Variants in ZNF385B observed in about 807,000 individuals in gnomAD.
ZNF385B encodes zinc finger protein 385B.
A neutral mutation model predicts 39.2 loss-of-function variants in ZNF385B; 23 were observed. The observed-to-expected ratio is 0.59, with a 90% CI of 0.42 to 0.83. ZNF385B has a LOEUF of 0.83. ZNF385B is among the 40% of genes least tolerant of loss of function. The pLI is 0.00. For missense variants in ZNF385B, 552 were observed against 598.9 expected (o/e 0.92, Z 0.82); for synonymous variants, 205 against 222.6 (o/e 0.92, Z 0.70).
intron 3 of ZNF385B, among the ~76,000 whole-genome samples, chr2:179,729,990 A>T (rs966287807): frequency 1.3e-5 from 2 of 152,178 alleles, no homozygotes; most frequent in Non-Finnish European, 2.9e-5. Context: ...TAAATTACCC[A>T]GTCTCAAGTG....
intron 3 of ZNF385B, among the ~76,000 whole-genome samples, chr2:179,640,833 C>G (rs1319411610): frequency 1.3e-5 from 2 of 152,136 alleles, no homozygotes; most frequent in Non-Finnish European, 2.9e-5. Flanking sequence ...TTAGCCTGAA[C>G]AATTTTCAGT....
intron 3 of ZNF385B, among the ~76,000 whole-genome samples, chr2:179,659,303 A>C (rs947529925): frequency 1.3e-5 from 2 of 152,186 alleles, no homozygotes; most frequent in South Asian, 4.1e-4. Context: ...TTTCCAAATA[A>C]ATAATCCAAG....
At chr2:179,810,092 A>G (rs1706640653) in intron 1 of ZNF385B, among the ~76,000 whole-genome samples, 1 of 151,974 alleles carries the variant, frequency 6.6e-6, no homozygotes, top group Non-Finnish European at 1.5e-5. Context: ...AATAAATGTT[A>G]CTGAAATACT....
intron 3 of ZNF385B, among the ~76,000 whole-genome samples, chr2:179,702,081 T>C (rs1343670957): frequency 1.3e-5 from 2 of 152,168 alleles, no homozygotes; most frequent in African/African-American, 4.8e-5. Context: ...GTGACATTCC[T>C]TGAATTAAGA....
At chr2:179,448,908 G>T (rs1251480944) in intron 6 of ZNF385B, among the ~76,000 whole-genome samples, 2 of 152,080 alleles carry the variant, frequency 1.3e-5, no homozygotes, top group Admixed American at 1.3e-4. Flanking sequence ...TGGCGTAAGT[G>T]AAAATATCTA....
At chr2:179,511,535 T>C (rs2057685439) in intron 5 of ZNF385B, among the ~76,000 whole-genome samples, 1 of 152,104 alleles carries the variant, frequency 6.6e-6, no homozygotes, top group South Asian at 2.1e-4. Flanking sequence ...AGTGAGGTGG[T>C]ATTATGGATG....
At chr2:179,525,957 A>C (rs2105837746) in intron 4 of ZNF385B, among the ~76,000 whole-genome samples, 1 of 152,326 alleles carries the variant, frequency 6.6e-6, no homozygotes, top group Non-Finnish European at 1.5e-5. Context: ...ATACAGCAAC[A>C]ACAAAGATAA....
At chr2:179,479,677 T>A (rs2053790683) in intron 6 of ZNF385B, among the ~76,000 whole-genome samples, 1 of 151,886 alleles carries the variant, frequency 6.6e-6, no homozygotes, top group South Asian at 2.1e-4. Context: ...CCAACTCTAC[T>A]AAAAATACAA....
At chr2:179,825,426 A>G (rs1707626139) in intron 1 of ZNF385B, among the ~76,000 whole-genome samples, 1 of 152,208 alleles carries the variant, frequency 6.6e-6, no homozygotes, top group African/African-American at 2.4e-5. Context: ...GGTTTTGAGC[A>G]GTGGTCAAAG....
chr2:179,859,887 G>A (rs1390323939), intron 1 of ZNF385B, among the ~76,000 whole-genome samples: 1 of 152,196 alleles, frequency 6.6e-6, no homozygotes, highest in African/African-American at 2.4e-5. Context: ...GAAAACCAGT[G>A]AAATTTGGCC....
intron 3 of ZNF385B, among the ~76,000 whole-genome samples, chr2:179,727,648 T>C (rs1701106464): frequency 6.6e-6 from 1 of 152,002 alleles, no homozygotes; most frequent in Non-Finnish European, 1.5e-5. Flanking sequence ...AACATAAGAA[T>C]AAACTGGGAA....
intron 1 of ZNF385B, among the ~76,000 whole-genome samples, chr2:179,835,851 G>C (rs753176374): frequency 2.0e-5 from 3 of 152,020 alleles, no homozygotes; most frequent in Non-Finnish European, 2.9e-5. Context: ...ACATGTCTCA[G>C]AGCACCTTGT....
At chr2:179,621,688 A>C (rs573096553) in intron 3 of ZNF385B, among the ~76,000 whole-genome samples, 1 of 152,292 alleles carries the variant, frequency 6.6e-6, no homozygotes, top group African/African-American at 2.4e-5. Flanking sequence ...GAGGGCACAT[A>C]AGAAACAAGA....
Position 179,526,036 on chromosome 2 carries a change from AT to A in ZNF385B, c.442-7399del, listed in dbSNP as rs3054031. On this transcript the variant is annotated intron_variant, in intron 4 of 9. Coordinates refer to ENST00000410066, the MANE Select transcript of ZNF385B (RefSeq NM_152520.6). ...GTTGGCAACACTAGTTTAACCACAG[AT>A]TTTTTTTTTTTTTTTTTTTTACACA... 5.1e-3 allele frequency among the ~76,000 whole-genome samples: 653 copies of A among 129,146 alleles called. 10 individuals are homozygous for A. The highest frequency in any genetic ancestry group is 0.017 in the African/African-American group (578 of 34,728). 84.7% of individuals were successfully genotyped at this position (129,146 alleles called of 152,430 possible).
At chr2:179,852,431 A>G (rs1313683858) in intron 1 of ZNF385B, among the ~76,000 whole-genome samples, 2 of 152,152 alleles carry the variant, frequency 1.3e-5, no homozygotes, top group Non-Finnish European at 2.9e-5. Context: ...TCATAATTAT[A>G]ATCTTGGGAG....
chr2:179,755,019 A>C (rs541923694), intron 3 of ZNF385B, among the ~76,000 whole-genome samples: 13 of 152,076 alleles, frequency 8.5e-5, no homozygotes, highest in South Asian at 2.1e-4. Flanking sequence ...TTCGATTGTG[A>C]TGTTAGGGTG....
chr2:179,819,765 A>G (rs1222812267), intron 1 of ZNF385B, among the ~76,000 whole-genome samples: 1 of 152,164 alleles, frequency 6.6e-6, no homozygotes, highest in Non-Finnish European at 1.5e-5. Flanking sequence ...AGGATGGGGA[A>G]AAGGTACATT....
intron 3 of ZNF385B, among the ~76,000 whole-genome samples, chr2:179,657,130 G>A (rs1188535328): frequency 6.6e-6 from 1 of 152,174 alleles, no homozygotes; most frequent in Non-Finnish European, 1.5e-5. Context: ...AGCCTCTGGT[G>A]TTGAAATGCC....
intron 3 of ZNF385B, among the ~76,000 whole-genome samples, chr2:179,766,242 C>T (rs564274781): frequency 3.9e-5 from 6 of 152,194 alleles, no homozygotes; most frequent in Non-Finnish European, 8.8e-5. Context: ...ACCCAATTCC[C>T]ATCGATGCCA....
Sources: allele counts gnomAD v4.1 joint callset (sites outside exome capture counted in the v4.1 genomes callset), GRCh38; gene constraint gnomAD v4.1.1; transcripts MANE v1.5; gene names NCBI Gene and HGNC (gene_info 2026-07-23, HGNC 2026-07-21).